SLC25A42: variants seen among roughly 807,000 people sequenced by gnomAD.
The protein encoded by SLC25A42 is solute carrier family 25 member 42, also known as mitochondrial coenzyme A transporter SLC25A42.
A neutral mutation model predicts 34.7 loss-of-function variants in SLC25A42; 19 were observed. The observed-to-expected ratio is 0.55, with a 90% confidence interval of 0.38 to 0.80. SLC25A42 has a LOEUF of 0.80. SLC25A42 is among the 30% of genes least tolerant of loss of function. The pLI is 0.00. For missense variants in SLC25A42, 364 were observed against 441.3 expected (o/e 0.82, Z 1.57); for synonymous variants, 205 against 191.2 (o/e 1.07, Z -0.59).
chr19:19,072,838 C>A (rs1272227451), intron 1 of SLC25A42, among the ~76,000 whole-genome samples: 1 of 150,892 alleles, frequency 6.6e-6, no homozygotes, highest in African/African-American at 2.4e-5. Context: ...GCCACCATAC[C>A]TGGCTAATTT....
In SLC25A42 at chr19:19,090,945, A is replaced by AT. The variant is rs763920851; in HGVS notation, c.-34-5145dup. On this transcript the variant is annotated intron_variant, in intron 1 of 7. Transcript: ENST00000318596. ...CTCACTGTGGTCCCCGGGGTCCGGG[A>AT]TGTCACATGGCTTTTCCCTTTGCCT... 2.6e-5 allele frequency among the ~76,000 whole-genome samples: 4 copies of AT among 152,198 alleles called. No individual in the cohort carries two copies. The East Asian group carries it at 7.7e-4, about 29-fold the overall frequency.
Position 19,071,632 on chromosome 19 carries a change from C to T in SLC25A42, c.-35+7517C>T, listed in dbSNP as rs142436117. On this transcript the variant is annotated intron_variant, in intron 1 of 7. Coordinates refer to ENST00000318596, the MANE Select transcript of SLC25A42 (RefSeq NM_178526.5). The stretch of plus-strand genomic sequence containing the variant: ...CTGTAATCCCAGCACTTTGGGAGGC[C>T]GAGGTGGGCGGAGCACCTGAGGTCA... 5.1e-3 allele frequency among the ~76,000 whole-genome samples: 776 copies of T among 152,130 alleles called. 4 individuals carry two copies. The highest frequency in any genetic ancestry group is 9.2e-3 in the Non-Finnish European group (624 of 68,004).
rs1443446921 is a variant in SLC25A42 at position 19,111,186 on chromosome 19, C to T, written c.*310C>T. On this transcript the variant is annotated 3_prime_UTR_variant, in exon 8 of 8. Transcript: ENST00000318596. ...CCCTAGTGGGGCGTGGTCAGCTCCACCTCCTGATCCTGTGTGTCCTCCGAC... is the reference window on the plus strand; with the variant it reads ...CCCTAGTGGGGCGTGGTCAGCTCCATCTCCTGATCCTGTGTGTCCTCCGAC... 2.3e-6 allele frequency: 1 copy of T among 437,352 alleles called. No individual in the cohort carries two copies. Among genetic ancestry groups the T allele is most frequent in the East Asian group, 4.9e-5 (1 of 20,460 alleles). 27.1% of individuals were successfully genotyped at this position (437,352 alleles called of 1,614,324 possible).
intron 3 of SLC25A42, among the ~76,000 whole-genome samples, chr19:19,104,554 C>T (rs745368406): frequency 3.3e-5 from 5 of 152,128 alleles, no homozygotes; most frequent in Admixed American, 6.6e-5. Context: ...GGGGCATGTC[C>T]GGGAGAGAGG....
At chr19:19,092,199 C>T (rs902085691) in intron 1 of SLC25A42, among the ~76,000 whole-genome samples, 15 of 152,252 alleles carry the variant, frequency 9.9e-5, no homozygotes, top group Non-Finnish European at 2.1e-4. Context: ...CCCTAACCCT[C>T]ATCTAGAGAT....
chr19:19,078,154 G>A (rs1377635257), intron 1 of SLC25A42, among the ~76,000 whole-genome samples: 1 of 152,194 alleles, frequency 6.6e-6, no homozygotes, highest in East Asian at 1.9e-4. Context: ...GGGGAGGCTG[G>A]AGGGAGAGGC....
chr19:19,109,706 T>G lies in SLC25A42; in HGVS notation c.650-863T>G, dbSNP rs1254587258. Among the ~76,000 whole-genome samples the G allele has an allele frequency of 6.6e-6, 1 of 152,206 alleles. No homozygotes were observed. Among genetic ancestry groups the G allele is most frequent in the Non-Finnish European group, 1.5e-5 (1 of 68,030 alleles). On this transcript the variant is annotated intron_variant, in intron 7 of 7. Coordinates refer to ENST00000318596, the MANE Select transcript of SLC25A42 (RefSeq NM_178526.5). This position sits in a 1 kb window ranked among gnomAD's most constrained non-coding sequence, Gnocchi z 4.1. ...CCTTGGCCTCCCAAAGTGCTGAGAT[T>G]ACAGGCGTGAGTCACTGCACCCAGC...
intron 1 of SLC25A42, among the ~76,000 whole-genome samples, chr19:19,066,948 T>G (rs540516485): frequency 6.8e-6 from 1 of 147,142 alleles, no homozygotes; most frequent in Admixed American, 7.0e-5. Flanking sequence ...ACCAAGGAGT[T>G]CAAGGCTGCA....
chr19:19,095,228 C>T (rs2059758270), intron 1 of SLC25A42, among the ~76,000 whole-genome samples: 1 of 150,200 alleles, frequency 6.7e-6, no homozygotes. Flanking sequence ...AAAAAAACAC[C>T]CTTAGCTGAC....
intron 1 of SLC25A42, among the ~76,000 whole-genome samples, chr19:19,093,659 T>G (rs185564340): frequency 1.8e-4 from 28 of 152,172 alleles, no homozygotes; most frequent in East Asian, 1.2e-3. Flanking sequence ...AGAATGCCCC[T>G]CCGGTGGGAT....
chr19:19,066,718 T>C (rs535698824), intron 1 of SLC25A42, among the ~76,000 whole-genome samples: 1 of 152,306 alleles, frequency 6.6e-6, no homozygotes, highest in Admixed American at 6.5e-5. Flanking sequence ...CCCAAAGTGC[T>C]GGGATTACAG....
chr19:19,072,738 G>C (rs771926406), intron 1 of SLC25A42, among the ~76,000 whole-genome samples: 1 of 152,094 alleles, frequency 6.6e-6, no homozygotes, highest in African/African-American at 2.4e-5. Context: ...AGAGTGCAGT[G>C]GTGTAATCAC....
chr19:19,080,107 G>A (rs1278277803), intron 1 of SLC25A42, among the ~76,000 whole-genome samples: 4 of 152,180 alleles, frequency 2.6e-5, no homozygotes, highest in African/African-American at 7.2e-5. Flanking sequence ...CGGGTGTTCC[G>A]CATGTGTAGG....
intron 7 of SLC25A42, 137 bp from the exon 8 acceptor site, chr19:19,110,432 C>T (rs2059856599): frequency 1.6e-6 from 1 of 613,784 alleles, no homozygotes; most frequent in Non-Finnish European, 2.5e-6. Context: ...CGCATGAGTG[C>T]GAACACACGT....
chr19:19,065,213 A>T (rs1159316070), intron 1 of SLC25A42, among the ~76,000 whole-genome samples: 1 of 151,852 alleles, frequency 6.6e-6, no homozygotes, highest in Non-Finnish European at 1.5e-5. Flanking sequence ...ACGCTGCCGG[A>T]GGAGGGGGGC....
At chr19:19,075,823 A>C (rs1238161970) in intron 1 of SLC25A42, among the ~76,000 whole-genome samples, 1 of 151,864 alleles carries the variant, frequency 6.6e-6, no homozygotes, top group African/African-American at 2.4e-5. Flanking sequence ...CTGCCCTCTA[A>C]CTCTGTGTCA....
intron 2 of SLC25A42, among the ~76,000 whole-genome samples, chr19:19,098,113 A>G (rs1331463648): frequency 6.6e-6 from 1 of 152,058 alleles, no homozygotes; most frequent in East Asian, 1.9e-4. Context: ...TGAAACTTCA[A>G]CCCCTCAGTG....
chr19:19,111,347 A>G lies in SLC25A42; in HGVS notation c.*471A>G, dbSNP rs2059864191. On this transcript the variant is annotated 3_prime_UTR_variant, in exon 8 of 8. Transcript: ENST00000318596. Reference sequence around the variant, plus strand: ...CCTTTCTTGCAGGCGGACCCTGCCCAGGATGGGGCCAGCCTCGTGCTCAGC... The same window carrying G: ...CCTTTCTTGCAGGCGGACCCTGCCCGGGATGGGGCCAGCCTCGTGCTCAGC... 5.9e-6 allele frequency: 1 copy of G among 169,562 alleles called. No homozygotes were observed. 10.5% of individuals were successfully genotyped at this position (169,562 alleles called of 1,614,324 possible). A position where few individuals can be genotyped will look rare whatever the true frequency, so the allele number is the denominator to read the frequency against.
At chr19:19,106,060 G>A (rs1336730020) in intron 5 of SLC25A42, 2 of 563,238 alleles carry the variant, frequency 3.6e-6, no homozygotes, top group African/African-American at 1.9e-5. Context: ...CCAGCAGGGG[G>A]GAAGGGAAGG....
Sources: gnomAD v4.1 joint callset for allele counts (sites outside exome capture counted in the v4.1 genomes callset) on GRCh38, gnomAD v4.1.1 for gene constraint, Gnocchi (gnomAD v3.1) non-coding constraint, MANE v1.5 for transcripts, NCBI Gene and HGNC (gene_info 2026-07-23, HGNC 2026-07-21) for gene names.